UQCC1: variants seen among roughly 807,000 people sequenced by gnomAD.
The protein encoded by UQCC1 is ubiquinol-cytochrome c reductase complex assembly factor 1, also known as bFGF-repressed Zic-binding protein.
Under a neutral mutation model 48.0 loss-of-function variants are expected in UQCC1, and 38 were observed. That is an observed-to-expected ratio of 0.79 (90% CI 0.61 to 1.04). UQCC1 has a LOEUF of 1.04. Ranked by LOEUF, UQCC1 falls within the 50% of genes least tolerant of loss-of-function variation. UQCC1 has a pLI of 0.00. For missense variants in UQCC1, 368 were observed against 381.8 expected, an observed-to-expected ratio of 0.96 and a Z score of 0.30; for synonymous variants, 111 against 129.2, an observed-to-expected ratio of 0.86 and a Z score of 0.95.
At chr20:35,371,859 T>A (rs1306363699) in intron 5 of UQCC1, among the ~76,000 whole-genome samples, 3 of 148,772 alleles carry the variant, frequency 2.0e-5, no homozygotes, top group Admixed American at 1.3e-4. Flanking sequence ...AAAATAAAAA[T>A]AAAAAAATGA....
chr20:35,306,644 G>A (rs755420165), intron 9 of UQCC1, 22 bp downstream of exon 9: 2 of 1,588,526 alleles, frequency 1.3e-6, no homozygotes, highest in Non-Finnish European at 1.7e-6. Context: ...GGACTTGGGA[G>A]GGGAGGGAAA....
chr20:35,304,081 G>A lies in UQCC1; in HGVS notation c.766-12C>T, dbSNP rs748385033. The A allele has an allele frequency of 5.0e-6, 8 of 1,613,772 alleles. No individual in the cohort carries two copies. The African/African-American group carries it at 9.3e-5, about 19-fold the overall frequency. On this transcript the variant is annotated splice_polypyrimidine_tract_variant and intron_variant, in intron 9 of 9. Coordinates refer to ENST00000374385, the MANE Select transcript of UQCC1 (RefSeq NM_018244.5). ...TCCAGGTACTGTATCTGCAACCAGGGGAGGGGGAAGGAGGAAGCGACAGAG... is the reference window on the plus strand; with the variant it reads ...TCCAGGTACTGTATCTGCAACCAGGAGAGGGGGAAGGAGGAAGCGACAGAG...
chr20:35,334,211 C>T (rs2061289367), intron 7 of UQCC1, among the ~76,000 whole-genome samples: 1 of 152,126 alleles, frequency 6.6e-6, no homozygotes, highest in Non-Finnish European at 1.5e-5. Context: ...ACTCAGAAAC[C>T]GAGTCTGAAG....
At chr20:35,373,981 C>T (rs1436943153) in intron 5 of UQCC1, among the ~76,000 whole-genome samples, 6 of 152,008 alleles carry the variant, frequency 3.9e-5, no homozygotes, top group Admixed American at 6.6e-5. Context: ...TAGGCCAGCC[C>T]GGGCAACACA....
At chr20:35,367,811 T>C (rs1053237658) in intron 5 of UQCC1, among the ~76,000 whole-genome samples, 1 of 152,068 alleles carries the variant, frequency 6.6e-6, no homozygotes, top group Non-Finnish European at 1.5e-5. Context: ...ATCAGGGCTC[T>C]AGGGAGCTGC....
intron 2 of UQCC1, 34 bp from the exon 3 acceptor site, chr20:35,384,167 G>A: frequency 6.4e-7 from 1 of 1,556,434 alleles, no homozygotes; most frequent in Non-Finnish European, 8.9e-7. Flanking sequence ...ATGCAACACT[G>A]AGCACTTACA....
chr20:35,360,599 T>G (rs2061594455), intron 6 of UQCC1, among the ~76,000 whole-genome samples: 1 of 152,180 alleles, frequency 6.6e-6, no homozygotes, highest in South Asian at 2.1e-4. Flanking sequence ...CAATAACTTC[T>G]TTGCCTCTTA....
rs564056836 is a variant in UQCC1, at chr20:35,381,676, C to T, written c.333+242G>A. On this transcript the variant is annotated intron_variant, in intron 4 of 9. Transcript: ENST00000374385. ...GAAGGTCATCCTCTTCAACCAAGAA[C>T]ACAGCTTCAAAAAGGTCGCACATAG... is the stretch of plus-strand genomic sequence containing the variant. Among the ~76,000 whole-genome samples the T allele has an allele frequency of 2.8e-4, 43 of 152,302 alleles. 2 individuals carry two copies. The South Asian group carries it at 7.7e-3, about 27-fold the overall frequency.
chr20:35,376,693 G>A (rs963716345), intron 4 of UQCC1, among the ~76,000 whole-genome samples: 1 of 152,230 alleles, frequency 6.6e-6, no homozygotes, highest in Admixed American at 6.5e-5. Flanking sequence ...AGCCAGGCGC[G>A]GTGGCTCACA....
intron 6 of UQCC1, among the ~76,000 whole-genome samples, chr20:35,356,258 G>T (rs1009826999): frequency 2.0e-5 from 3 of 152,214 alleles, no homozygotes; most frequent in African/African-American, 7.2e-5. Context: ...TGGAAGTGAA[G>T]AAATCTCAAC....
chr20:35,370,144 C>A (rs752655278), intron 5 of UQCC1, among the ~76,000 whole-genome samples: 19 of 152,102 alleles, frequency 1.2e-4, no homozygotes, highest in Non-Finnish European at 2.5e-4. Flanking sequence ...AAAAGTTAAG[C>A]CCTAAAATAC....
Position 35,303,982 on chromosome 20 carries a change from T to G in UQCC1, c.853A>C (p.Ser285Arg), listed in dbSNP as rs1313357704. The part of the protein sequence containing the change: ...WRPLVEKNPQ[S>R]ILKPHSPTYN... ...GTCGGAGAATGGGGCTTCAGGATGC[T>G]CTGAGGATTCTTCTCCACTAGAGGG... Residue 285 changes from serine to arginine, a missense_variant, in exon 10 of 10, where the codon AGC becomes CGC. Transcript: ENST00000374385. The G allele has an allele frequency of 1.2e-6, 2 of 1,613,996 alleles. No individual in the cohort carries two copies. Among genetic ancestry groups the G allele is most frequent in the Admixed American group, 1.7e-5 (1 of 60,020 alleles).
intron 7 of UQCC1, among the ~76,000 whole-genome samples, chr20:35,321,223 T>C (rs1248647532): frequency 6.6e-6 from 1 of 151,694 alleles, no homozygotes. Context: ...TGAGGGTCTT[T>C]TAGCAATGAT....
At chr20:35,311,040 TAC>T (rs2060987314) in intron 8 of UQCC1, among the ~76,000 whole-genome samples, 1 of 151,900 alleles carries the variant, frequency 6.6e-6, no homozygotes, top group South Asian at 2.1e-4. Flanking sequence ...TCAAAATATT[TAC>T]AGAGGGAGTG....
chr20:35,303,802 G>C lies in UQCC1; in HGVS notation c.*133C>G. 8.0e-7 allele frequency: 1 copy of C among 1,257,860 alleles called. No individual in the cohort carries two copies. The highest frequency in any genetic ancestry group is 1.9e-5 in the Admixed American group (1 of 52,168). The allele number at this position is 1,257,860 out of a possible 1,614,324, so 77.9% of individuals were successfully genotyped here. On this transcript the variant is annotated 3_prime_UTR_variant, in exon 10 of 10. Coordinates refer to ENST00000374385, the MANE Select transcript of UQCC1 (RefSeq NM_018244.5). ...CACTAAGAGGAAACTCAACACAAAT[G>C]GGGCCAGGTATTTGACAGATGCTGT...
Position 35,411,895 on chromosome 20 carries a change from C to T in UQCC1, c.24+45G>A, listed in dbSNP as rs776612378. 4.3e-6 allele frequency: 7 copies of T among 1,613,824 alleles called. No homozygotes were observed. In the East Asian group the frequency reaches 8.9e-5, roughly 21 times the overall value. On this transcript the variant is annotated intron_variant, in intron 1 of 9. Transcript: ENST00000374385. Reference sequence around the variant, plus strand: ...CCCGCCCTGCCTTGTCGAACTCCAACCCGGGACCCAGAGAGCTACCGTAGA... The same window carrying T: ...CCCGCCCTGCCTTGTCGAACTCCAATCCGGGACCCAGAGAGCTACCGTAGA...
At chr20:35,349,475 T>C (rs2061467347) in intron 6 of UQCC1, among the ~76,000 whole-genome samples, 1 of 152,216 alleles carries the variant, frequency 6.6e-6, no homozygotes. Context: ...CAAATTAATG[T>C]GATTTTAGAT....
chr20:35,313,770 C>G (rs1266780890), intron 8 of UQCC1, among the ~76,000 whole-genome samples: 1 of 152,006 alleles, frequency 6.6e-6, no homozygotes, highest in Non-Finnish European at 1.5e-5. Flanking sequence ...CAGGCACATG[C>G]CACCATGCCT....
chr20:35,404,552 G>T (rs2062221339), intron 1 of UQCC1, among the ~76,000 whole-genome samples: 1 of 151,774 alleles, frequency 6.6e-6, no homozygotes, highest in Non-Finnish European at 1.5e-5. Context: ...AAAAAAAAGA[G>T]ATATACCTAA....
Sources: allele counts gnomAD v4.1 joint callset (sites outside exome capture counted in the v4.1 genomes callset), GRCh38; gene constraint gnomAD v4.1.1; transcripts MANE v1.5; gene names NCBI Gene and HGNC (gene_info 2026-07-23, HGNC 2026-07-21).